Variants in MYO18B observed in about 807,000 individuals in gnomAD.
MYO18B encodes unconventional myosin-XVIIIb.
MYO18B carries 204 observed loss-of-function variants against 273.0 expected under a neutral mutation model. That is an observed-to-expected ratio of 0.75 (90% CI 0.67 to 0.84). The LOEUF (loss-of-function observed/expected upper bound fraction) is 0.84, where lower values mean the gene tolerates loss of function less well. Among genes scored for constraint, MYO18B ranks in the 40% least tolerant of loss-of-function variants. The pLI is 0.00. For missense variants in MYO18B, 3,212 were observed against 3,287.6 expected, an observed-to-expected ratio of 0.98 and a Z score of 0.56; for synonymous variants, 1,330 against 1,305.7, an observed-to-expected ratio of 1.02 and a Z score of -0.40.
At chr22:25,974,569 C>G (rs1312287601) in intron 39 of MYO18B, among the ~76,000 whole-genome samples, 3 of 152,214 alleles carry the variant, frequency 2.0e-5, no homozygotes, top group Non-Finnish European at 2.9e-5. Flanking sequence ...CATAGAGTCT[C>G]TGTCTCAACC....
chr22:26,047,089 G>T, the MYO18B span, among the ~76,000 whole-genome samples: 1 of 151,592 alleles, frequency 6.6e-6, no homozygotes, highest in Non-Finnish European at 1.5e-5. Flanking sequence ...TGGAAACTAT[G>T]CGGTATCACT....
At chr22:25,818,643 A>G (rs1174710354) in intron 12 of MYO18B, among the ~76,000 whole-genome samples, 3 of 152,138 alleles carry the variant, frequency 2.0e-5, no homozygotes, top group African/African-American at 7.2e-5. Flanking sequence ...TCCATTCCAC[A>G]TGGCCTCTTT....
At chr22:25,783,239 G>A (rs1304442430) in intron 10 of MYO18B, among the ~76,000 whole-genome samples, 1 of 152,202 alleles carries the variant, frequency 6.6e-6, no homozygotes, top group Non-Finnish European at 1.5e-5. Flanking sequence ...AGAGAGACAT[G>A]GGTTTGATCT....
At chr22:25,860,712 A>C (rs1269633674) in intron 21 of MYO18B, among the ~76,000 whole-genome samples, 1 of 152,004 alleles carries the variant, frequency 6.6e-6, no homozygotes, top group African/African-American at 2.4e-5. Context: ...AGTACTTTTA[A>C]ATTTATTTTT....
At chr22:25,817,873 G>A (rs1385891003) in intron 12 of MYO18B, among the ~76,000 whole-genome samples, 1 of 152,082 alleles carries the variant, frequency 6.6e-6, no homozygotes, top group Non-Finnish European at 1.5e-5. Flanking sequence ...CCACTACAAG[G>A]TGCACCTTTG....
chr22:25,748,943 G>A (rs2146531370), intron 1 of MYO18B, among the ~76,000 whole-genome samples: 1 of 152,300 alleles, frequency 6.6e-6, no homozygotes, highest in East Asian at 1.9e-4. Context: ...GACTTTGTAT[G>A]GAATCATGAG....
At chr22:26,019,739 C>T (rs941129240) in intron 42 of MYO18B, among the ~76,000 whole-genome samples, 3 of 152,020 alleles carry the variant, frequency 2.0e-5, no homozygotes, top group African/African-American at 4.8e-5. Context: ...GGATGAAGAA[C>T]GGGGGGTGAC....
chr22:26,014,147 C>A (rs1409471103), intron 42 of MYO18B, among the ~76,000 whole-genome samples: 1 of 152,154 alleles, frequency 6.6e-6, no homozygotes, highest in Non-Finnish European at 1.5e-5. Context: ...TCTAGATACA[C>A]AATGCATCAT....
At chr22:25,949,748 A>G (rs559749850) in intron 36 of MYO18B, among the ~76,000 whole-genome samples, 56 of 152,324 alleles carry the variant, frequency 3.7e-4, no homozygotes, top group African/African-American at 1.3e-3. Flanking sequence ...AAGGCACTAT[A>G]TGCATATGCC....
At chr22:25,855,909 G>A (rs758482369) in intron 21 of MYO18B, among the ~76,000 whole-genome samples, 2 of 151,610 alleles carry the variant, frequency 1.3e-5, no homozygotes, top group Non-Finnish European at 2.9e-5. Context: ...CATGTTACAA[G>A]GGTTTGGTGT....
intron 34 of MYO18B, among the ~76,000 whole-genome samples, chr22:25,935,455 C>G (rs1341121208): frequency 6.6e-6 from 1 of 152,066 alleles, no homozygotes; most frequent in Non-Finnish European, 1.5e-5. Context: ...ATTGTCTGCT[C>G]TGGAGGAGAA....
chr22:25,842,345 C>T lies in MYO18B; in HGVS notation c.3209-1390C>T, dbSNP rs537793884. Among the ~76,000 whole-genome samples, 4 of 152,160 alleles carry T rather than the reference C, an allele frequency of 2.6e-5. No individual in the cohort carries two copies. The South Asian group carries it at 8.3e-4, about 32-fold the overall frequency. On this transcript the variant is annotated intron_variant, in intron 17 of 43. Coordinates refer to ENST00000335473, the MANE Select transcript of MYO18B (RefSeq NM_032608.7). Reference sequence around the variant, plus strand: ...AAAGTAAGATCGTTCCGAATAGATCCAAGAGTCATGATAATCTGACCACTC... The same window carrying T: ...AAAGTAAGATCGTTCCGAATAGATCTAAGAGTCATGATAATCTGACCACTC...
At chr22:25,839,172 GTATA>G (rs1490069789) in intron 17 of MYO18B, among the ~76,000 whole-genome samples, 2 of 151,780 alleles carry the variant, frequency 1.3e-5, no homozygotes, top group African/African-American at 2.4e-5. Context: ...GTGCATGTGT[GTATA>G]TATGTATGAG....
At position 25,955,261 on chromosome 22, in the gene MYO18B, G is replaced by C. The variant is rs751377606; in HGVS notation, c.6053G>C (p.Arg2018Pro). Residue 2018 changes from arginine to proline, a missense_variant, in exon 39 of 44, where the codon CGG (arginine) becomes CCG (proline). Coordinates refer to ENST00000335473, the MANE Select transcript of MYO18B (RefSeq NM_032608.7). The part of the protein sequence containing the change: ...SQAATSESQQ[R>P]ESSQYYQRRL... ...GCGGCCACCTCCGAGTCCCAGCAGC[G>C]GGAGAGCAGCCAGTACTACCAGCGG... 3.1e-6 allele frequency: 5 copies of C among 1,613,582 alleles called. No homozygotes were observed. The highest frequency in any genetic ancestry group is 4.2e-6 in the Non-Finnish European group (5 of 1,179,838).
chr22:25,910,573 A>G (rs2092136306), intron 32 of MYO18B, among the ~76,000 whole-genome samples: 2 of 152,192 alleles, frequency 1.3e-5, no homozygotes, highest in Admixed American at 1.3e-4. Context: ...GAGGGGATGC[A>G]TTTTTGATAT....
chr22:25,968,526 CT>C (rs2093003414), intron 39 of MYO18B, among the ~76,000 whole-genome samples: 1 of 152,068 alleles, frequency 6.6e-6, no homozygotes, highest in African/African-American at 2.4e-5. Context: ...TTCCTGCCTC[CT>C]GCTTGACTTT....
intron 25 of MYO18B, among the ~76,000 whole-genome samples, chr22:25,884,041 G>A (rs981631553): frequency 6.6e-6 from 1 of 152,110 alleles, no homozygotes; most frequent in Non-Finnish European, 1.5e-5. Flanking sequence ...AATAGGTTCT[G>A]GATTTTCCCC....
intron 12 of MYO18B, among the ~76,000 whole-genome samples, chr22:25,801,771 G>A (rs1013893125): frequency 2.0e-5 from 3 of 152,164 alleles, no homozygotes; most frequent in Non-Finnish European, 4.4e-5. Flanking sequence ...GAACAGCCTG[G>A]GAGGGGTGAG....
chr22:25,926,715 T>C (rs2092426690), intron 34 of MYO18B, among the ~76,000 whole-genome samples: 1 of 152,188 alleles, frequency 6.6e-6, no homozygotes, highest in Admixed American at 6.5e-5. Context: ...GAGGCCAAGC[T>C]ACAGGGATAA....
Sources: gnomAD v4.1 joint callset for allele counts (sites outside exome capture counted in the v4.1 genomes callset) on GRCh38, gnomAD v4.1.1 for gene constraint, MANE v1.5 for transcripts, NCBI Gene and HGNC (gene_info 2026-07-23, HGNC 2026-07-21) for gene names.